Variants in RASEF observed in about 807,000 individuals in gnomAD.
RASEF encodes the protein RAS and EF-hand domain containing, also known as ras and EF-hand domain-containing protein.
A neutral mutation model predicts 90.1 loss-of-function variants in RASEF; 68 were observed. The observed-to-expected ratio is 0.75, with a 90% CI of 0.62 to 0.92. The LOEUF is 0.92. RASEF is among the 40% of genes least tolerant of loss of function. RASEF has a pLI of 0.00. For missense variants in RASEF, 949 were observed against 937.2 expected (o/e 1.01, Z -0.16); for synonymous variants, 331 against 345.2 (o/e 0.96, Z 0.46).
chr9:83,161,334 A>T, the RASEF span, among the ~76,000 whole-genome samples: 1 of 152,262 alleles, frequency 6.6e-6, no homozygotes, highest in South Asian at 2.1e-4. Flanking sequence ...GATCAGCATG[A>T]TCTGGATGTG....
chr9:83,028,999 T>C (rs1829595271), intron 1 of RASEF, among the ~76,000 whole-genome samples: 1 of 152,122 alleles, frequency 6.6e-6, no homozygotes, highest in Non-Finnish European at 1.5e-5. Flanking sequence ...AAACCAACCC[T>C]GCTGATACAG....
At chr9:83,208,894 G>T in the RASEF span, among the ~76,000 whole-genome samples, 1 of 152,158 alleles carries the variant, frequency 6.6e-6, no homozygotes, top group African/African-American at 2.4e-5. Context: ...TTTGGCAAAG[G>T]TTAGACCAAG....
chr9:83,141,309 T>C, the RASEF span, among the ~76,000 whole-genome samples: 31 of 151,884 alleles, frequency 2.0e-4, no homozygotes, highest in Non-Finnish European at 5.9e-5. Context: ...AGAGACCAAC[T>C]AGAAAAGCTC....
At chr9:83,195,734 G>A in the RASEF span, among the ~76,000 whole-genome samples, 1 of 151,976 alleles carries the variant, frequency 6.6e-6, no homozygotes, top group Non-Finnish European at 1.5e-5. Flanking sequence ...TCGGGAGAGT[G>A]CCTGGGAGGA....
At chr9:83,198,000 A>T in the RASEF span, among the ~76,000 whole-genome samples, 564 of 152,336 alleles carry the variant, frequency 3.7e-3, 4 homozygotes, top group African/African-American at 0.013. Flanking sequence ...TCTTTTGGAA[A>T]TTAATGTGTA....
chr9:82,986,320 C>T (rs1001905627), intron 16 of RASEF, among the ~76,000 whole-genome samples: 1 of 152,194 alleles, frequency 6.6e-6, no homozygotes, highest in African/African-American at 2.4e-5. Flanking sequence ...TCTTGTAGAT[C>T]CAATGGCCTC....
At chr9:83,030,352 G>A (rs1400511949) in intron 1 of RASEF, among the ~76,000 whole-genome samples, 63 of 147,906 alleles carry the variant, frequency 4.3e-4, no homozygotes, top group African/African-American at 1.4e-3. Flanking sequence ...GTGAGACTCC[G>A]TCACAAAAAA....
the RASEF span, among the ~76,000 whole-genome samples, chr9:83,178,000 C>T: frequency 6.6e-6 from 1 of 151,980 alleles, no homozygotes; most frequent in African/African-American, 2.4e-5. Context: ...CTAATTCTTT[C>T]TTTTGCCAGT....
At chr9:83,022,765 T>C (rs1306891946) in intron 2 of RASEF, among the ~76,000 whole-genome samples, 8 of 152,192 alleles carry the variant, frequency 5.3e-5, no homozygotes. Context: ...CTAGGCTATA[T>C]GGAATAGCAT....
chr9:83,114,903 C>T, the RASEF span, among the ~76,000 whole-genome samples: 1 of 152,304 alleles, frequency 6.6e-6, no homozygotes, highest in Admixed American at 6.5e-5. Context: ...CTTGTGATAT[C>T]TTATTACCTT....
chr9:83,019,647 T>G (rs1829407202), intron 3 of RASEF, among the ~76,000 whole-genome samples: 1 of 152,186 alleles, frequency 6.6e-6, no homozygotes, highest in Non-Finnish European at 1.5e-5. Flanking sequence ...GCACCTTAAT[T>G]TGCAATAGCC....
At chr9:83,160,261 T>G in the RASEF span, among the ~76,000 whole-genome samples, 1 of 152,146 alleles carries the variant, frequency 6.6e-6, no homozygotes. Context: ...TGGAACTCCC[T>G]AGAGACTTGT....
the RASEF span, among the ~76,000 whole-genome samples, chr9:83,171,073 C>T: frequency 6.6e-6 from 1 of 151,650 alleles, no homozygotes; most frequent in African/African-American, 2.4e-5. Flanking sequence ...CATATGTGAC[C>T]TTTATTGTTT....
chr9:83,059,316 T>C (rs1279123740), intron 1 of RASEF, among the ~76,000 whole-genome samples: 4 of 146,038 alleles, frequency 2.7e-5, no homozygotes, highest in Non-Finnish European at 6.0e-5. Flanking sequence ...CCTATTTCCT[T>C]CTCTTGGCAA....
chr9:83,155,911 A>G, the RASEF span, among the ~76,000 whole-genome samples: 4 of 152,186 alleles, frequency 2.6e-5, no homozygotes, highest in South Asian at 6.2e-4. Flanking sequence ...GTTTGGTGCA[A>G]TAAAAAGAAC....
At chr9:83,207,584 T>C in the RASEF span, among the ~76,000 whole-genome samples, 1 of 149,780 alleles carries the variant, frequency 6.7e-6, no homozygotes, top group Non-Finnish European at 1.5e-5. Context: ...CTCAGAGTTA[T>C]CTCAGGAGGG....
the RASEF span, among the ~76,000 whole-genome samples, chr9:83,073,453 A>G: frequency 4.0e-5 from 6 of 151,832 alleles, no homozygotes; most frequent in East Asian, 9.7e-4. Flanking sequence ...ACTTCCCTCA[A>G]CCTTCCACAC....
chr9:83,101,874 A>G, the RASEF span, among the ~76,000 whole-genome samples: 1 of 152,124 alleles, frequency 6.6e-6, no homozygotes, highest in Non-Finnish European at 1.5e-5. Context: ...TTGATTCACT[A>G]CCACTGAACT....
chr9:83,052,931 T>G (rs1319613529), intron 1 of RASEF, among the ~76,000 whole-genome samples: 2 of 147,754 alleles, frequency 1.4e-5, no homozygotes, highest in South Asian at 4.3e-4. Flanking sequence ...ATTTCTGTTC[T>G]TTTACATTTG....
Sources: gnomAD v4.1 joint callset for allele counts (sites outside exome capture counted in the v4.1 genomes callset) on GRCh38, gnomAD v4.1.1 for gene constraint, MANE v1.5 for transcripts, NCBI Gene and HGNC (gene_info 2026-07-23, HGNC 2026-07-21) for gene names.